The following WDR7 variants were observed in gnomAD, a reference collection of about 807,000 sequenced individuals.
WDR7 encodes WD repeat domain 7.
In WDR7, 46 loss-of-function variants were observed where a neutral mutation model predicts 169.4. The ratio of observed to expected loss-of-function variants is 0.27; its 90% confidence interval spans 0.21 to 0.35. The LOEUF (loss-of-function observed/expected upper bound fraction) is 0.35. WDR7 is among the 10% of genes least tolerant of loss of function. WDR7 has a pLI of 1.00. For missense variants in WDR7, 1,534 were observed against 1,859.3 expected (o/e 0.83, Z 3.22); for synonymous variants, 612 against 666.8 (o/e 0.92, Z 1.27).
intron 25 of WDR7, among the ~76,000 whole-genome samples, chr18:56,958,299 A>G (rs747442801): frequency 6.6e-6 from 1 of 152,176 alleles, no homozygotes; most frequent in African/African-American, 2.4e-5. Context: ...ACTGGATTGT[A>G]TCACTCCTCC....
At chr18:56,691,194 T>C in intron 7 of WDR7, 22 bp from the exon 8 acceptor site, 1 of 1,599,398 alleles carries the variant, frequency 6.3e-7, no homozygotes. Flanking sequence ...GAGTAGATTG[T>C]GAATTTCTTT....
chr18:57,012,706 T>G (rs2048153511), intron 26 of WDR7, among the ~76,000 whole-genome samples: 1 of 152,174 alleles, frequency 6.6e-6, no homozygotes, highest in African/African-American at 2.4e-5. Context: ...ATAATATACA[T>G]AAGACTTTCT....
At chr18:56,732,129 A>G (rs1273901300) in intron 14 of WDR7, among the ~76,000 whole-genome samples, 3 of 152,226 alleles carry the variant, frequency 2.0e-5, no homozygotes, top group African/African-American at 7.2e-5. Flanking sequence ...TTCCTTACTG[A>G]CACTTAATAA....
intron 26 of WDR7, among the ~76,000 whole-genome samples, chr18:57,006,594 T>G (rs1039145836): frequency 1.3e-5 from 2 of 152,192 alleles, no homozygotes; most frequent in South Asian, 2.1e-4. Context: ...TAAATAGATA[T>G]TCCTCTAAAA....
intron 21 of WDR7, among the ~76,000 whole-genome samples, chr18:56,883,400 T>C (rs2046139954): frequency 6.6e-6 from 1 of 152,122 alleles, no homozygotes; most frequent in African/African-American, 2.4e-5. Flanking sequence ...ATTTGTGAAT[T>C]AGCTTCTATA....
intron 22 of WDR7, among the ~76,000 whole-genome samples, chr18:56,927,703 A>G (rs902693635): frequency 2.6e-5 from 4 of 152,212 alleles, no homozygotes; most frequent in African/African-American, 9.6e-5. Context: ...CAAAATATCT[A>G]CAGTTGTTTT....
At position 56,909,642 on chromosome 18, in the gene WDR7, A is replaced by G. The variant is rs1403597819; in HGVS notation, c.3527-14280A>G. Among the ~76,000 whole-genome samples the G allele has an allele frequency of 2.0e-5, 3 of 152,110 alleles. No individual in the cohort carries two copies. In the East Asian group the frequency reaches 5.8e-4, roughly 29 times the overall value. On this transcript the variant is annotated intron_variant, in intron 21 of 27. Coordinates refer to ENST00000254442, the MANE Select transcript of WDR7 (RefSeq NM_015285.3). ...TAAGAAGTGAATACCGTATTATGTT[A>G]TTTTAGGTTATGCTTAGCTATCAAT...
chr18:56,728,021 T>C (rs1349577699), intron 13 of WDR7, among the ~76,000 whole-genome samples: 1 of 152,236 alleles, frequency 6.6e-6, no homozygotes, highest in African/African-American at 2.4e-5. Flanking sequence ...TGAATATTTC[T>C]GGCCAGTCGT....
intron 2 of WDR7, among the ~76,000 whole-genome samples, chr18:56,677,797 G>A (rs677965): frequency 6.6e-6 from 1 of 152,120 alleles, no homozygotes; most frequent in African/African-American, 2.4e-5. Flanking sequence ...TATTTGTATC[G>A]TTCTCTAGAT....
chr18:56,706,812 C>T (rs909020144), intron 12 of WDR7, among the ~76,000 whole-genome samples: 5 of 151,366 alleles, frequency 3.3e-5, no homozygotes, highest in African/African-American at 7.3e-5. Flanking sequence ...CTCAGCCTCC[C>T]GAGTAGCTGG....
chr18:56,822,752 TGA>T (rs1321746828), intron 20 of WDR7, among the ~76,000 whole-genome samples: 1 of 152,200 alleles, frequency 6.6e-6, no homozygotes, highest in East Asian at 1.9e-4. Flanking sequence ...ACAAAATATA[TGA>T]GTTTACTATA....
chr18:56,817,564 G>A (rs2045000748), intron 20 of WDR7, among the ~76,000 whole-genome samples: 6 of 152,078 alleles, frequency 3.9e-5, no homozygotes. Flanking sequence ...CAATAAAAAT[G>A]AGATGATGAT....
chr18:56,915,279 A>G (rs954054044), intron 21 of WDR7, among the ~76,000 whole-genome samples: 3 of 152,220 alleles, frequency 2.0e-5, no homozygotes, highest in Admixed American at 1.3e-4. Flanking sequence ...AGAATTCTAG[A>G]TGGCACTGTG....
chr18:56,887,564 TA>T (rs1380188236), intron 21 of WDR7, among the ~76,000 whole-genome samples: 1 of 151,342 alleles, frequency 6.6e-6, no homozygotes, highest in African/African-American at 2.5e-5. Flanking sequence ...ATGTCCTTGA[TA>T]TTTTTTTTCC....
intron 7 of WDR7, 126 bp downstream of exon 7, chr18:56,687,100 G>T: frequency 1.1e-6 from 1 of 919,620 alleles, no homozygotes; most frequent in South Asian, 2.1e-5. Context: ...ATTCATGTCT[G>T]CTTTTGATAT....
At chr18:56,719,580 C>CAAAAAAACAAA (rs2026274941) in intron 13 of WDR7, among the ~76,000 whole-genome samples, 1 of 135,618 alleles carries the variant, frequency 7.4e-6, no homozygotes, top group African/African-American at 2.6e-5. Flanking sequence ...AAAAAAAAAA[C>CAAAAAAACAAA]AGAATTGCTG....
chr18:56,799,516 CA>C (rs1336436491), intron 19 of WDR7, among the ~76,000 whole-genome samples: 1 of 151,726 alleles, frequency 6.6e-6, no homozygotes, highest in Non-Finnish European at 1.5e-5. Context: ...CTGTGGGGGT[CA>C]TAAAAGAGCT....
Position 56,816,050 on chromosome 18 carries a change from C to T in WDR7, c.3210C>T (p.Ala1070=), listed in dbSNP as rs202219996. 11 of 1,610,824 alleles carry T rather than the reference C, an allele frequency of 6.8e-6. No individual in the cohort carries two copies. The highest frequency in any genetic ancestry group is 3.3e-4 in the Middle Eastern group (2 of 6,062). ...HVISPGVTSE[A]AQTITTAPDA... ...TTTTAGCTGGAGTCACATCAGAAGC[C>T]GCGCAGACTATCACCACGGCTCCTG... Residue 1070 remains alanine (A), a synonymous_variant, in exon 20 of 28, where the codon GCC becomes GCT. Coordinates refer to ENST00000254442, the MANE Select transcript of WDR7 (RefSeq NM_015285.3).
Position 56,695,190 on chromosome 18 carries a change from T to C in WDR7, c.1349T>C (p.Leu450Pro). Reference sequence around the variant, plus strand: ...CAGCTGTTGCAAGGGGAACACATGCTCAGAAGAGGTATACTGAAGAGCTCC... The same window carrying C: ...CAGCTGTTGCAAGGGGAACACATGCCCAGAAGAGGTATACTGAAGAGCTCC... ...IVQLLQGEHM[L>P]RRGWPPHRTL... The change falls in exon 11 of 28, where the codon CTC (leucine) becomes CCC (proline). Residue 450 changes from leucine (L) to proline (P), a missense_variant. Transcript: ENST00000254442. 1 of 1,614,028 alleles carries C rather than the reference T, an allele frequency of 6.2e-7. No homozygotes were observed. The highest frequency in any genetic ancestry group is 8.5e-7 in the Non-Finnish European group (1 of 1,179,932).
Sources: allele counts gnomAD v4.1 joint callset (sites outside exome capture counted in the v4.1 genomes callset), GRCh38; gene constraint gnomAD v4.1.1; transcripts MANE v1.5; gene names NCBI Gene and HGNC (gene_info 2026-07-23, HGNC 2026-07-21).